Variants in PLEKHH2 observed in about 807,000 individuals in gnomAD.
PLEKHH2 encodes pleckstrin homology domain-containing family H member 2.
Under a neutral mutation model 187.9 loss-of-function variants are expected in PLEKHH2, and 129 were observed. The ratio of observed to expected loss-of-function variants is 0.69; its 90% CI spans 0.59 to 0.79. The LOEUF (loss-of-function observed/expected upper bound fraction) is 0.79. Ranked by LOEUF, PLEKHH2 falls within the 30% of genes least tolerant of loss-of-function variation. PLEKHH2 has a pLI of 0.00. For missense variants in PLEKHH2, 2,076 were observed against 1,751.2 expected, an observed-to-expected ratio of 1.19 and a Z score of -3.31; for synonymous variants, 686 against 605.6, an observed-to-expected ratio of 1.13 and a Z score of -1.95.
chr2:43,648,510 G>A (rs1666294789), intron 2 of PLEKHH2, among the ~76,000 whole-genome samples: 2 of 150,602 alleles, frequency 1.3e-5, no homozygotes, highest in South Asian at 4.2e-4. Flanking sequence ...CTTTCTGAAT[G>A]GACACACTGG....
chr2:43,718,019 T>C (rs1670296330), intron 15 of PLEKHH2, among the ~76,000 whole-genome samples: 2 of 152,134 alleles, frequency 1.3e-5, no homozygotes, highest in Admixed American at 6.5e-5. Flanking sequence ...GAGAATACCA[T>C]AGGGGCTTAT....
In PLEKHH2 at chr2:43,682,818, A is replaced by T. The variant is rs901108448; in HGVS notation, c.186+3893A>T. 3.3e-5 allele frequency among the ~76,000 whole-genome samples: 5 copies of T among 152,298 alleles called. No individual in the cohort carries two copies. The South Asian group carries it at 1.0e-3, about 32-fold the overall frequency. ...CTGGATATTTCATATAAATGGATTT[A>T]TATACTATTTGATCTTTAGTGTCTG... On this transcript the variant is annotated intron_variant, in intron 3 of 29. Transcript: ENST00000282406.
At chr2:43,764,646 C>T (rs947409989) in intron 29 of PLEKHH2, among the ~76,000 whole-genome samples, 9 of 152,160 alleles carry the variant, frequency 5.9e-5, no homozygotes, top group Non-Finnish European at 8.8e-5. Context: ...GGGTACTTAG[C>T]CCAATGCCAG....
intron 11 of PLEKHH2, among the ~76,000 whole-genome samples, chr2:43,708,214 C>A (rs770465493): frequency 6.6e-6 from 1 of 152,162 alleles, no homozygotes; most frequent in African/African-American, 2.4e-5. Flanking sequence ...CAACTTGCCC[C>A]GCTACAGCCA....
At chr2:43,746,894 C>T (rs1034562321) in intron 24 of PLEKHH2, among the ~76,000 whole-genome samples, 13 of 151,616 alleles carry the variant, frequency 8.6e-5, no homozygotes, top group South Asian at 2.1e-4. Context: ...GGCATGAACC[C>T]GGGAGGCGGA....
At chr2:43,762,891 T>G (rs551642688) in intron 28 of PLEKHH2, among the ~76,000 whole-genome samples, 4 of 152,308 alleles carry the variant, frequency 2.6e-5, no homozygotes, top group South Asian at 4.1e-4. Flanking sequence ...GAAATTTACA[T>G]TTTTTATCAT....
chr2:43,646,129 C>T lies in PLEKHH2; in HGVS notation c.123+1333C>T, dbSNP rs923775866. ...CTCAGTAATCAATCAGTCAATGAAT[C>T]CTGAACTTCAATGTGCTTTATTTAT... On this transcript the variant is annotated intron_variant, in intron 2 of 29. Coordinates refer to ENST00000282406, the MANE Select transcript of PLEKHH2 (RefSeq NM_172069.4). Among the ~76,000 whole-genome samples the T allele has an allele frequency of 4.6e-5, 7 of 152,232 alleles. No individual in the cohort carries two copies. The South Asian group carries it at 6.2e-4, about 14-fold the overall frequency.
intron 7 of PLEKHH2, 91 bp downstream of exon 7, chr2:43,697,447 T>A: frequency 9.4e-7 from 1 of 1,059,016 alleles, no homozygotes; most frequent in Non-Finnish European, 1.3e-6. Context: ...TAATTTTCCT[T>A]ATTTTTTTCT....
chr2:43,655,548 TG>T (rs1220351199), intron 2 of PLEKHH2, among the ~76,000 whole-genome samples: 5 of 152,202 alleles, frequency 3.3e-5, no homozygotes, highest in Non-Finnish European at 7.3e-5. Context: ...CAATGGAAGA[TG>T]CTAAATGTTG....
chr2:43,734,326 G>A (rs1291536071), intron 19 of PLEKHH2, among the ~76,000 whole-genome samples: 7 of 152,110 alleles, frequency 4.6e-5, no homozygotes, highest in Non-Finnish European at 1.0e-4. Context: ...ATGCAGCAAA[G>A]ATTGAACAAA....
chr2:43,727,146 A>G (rs1456414232), intron 17 of PLEKHH2, among the ~76,000 whole-genome samples: 1 of 152,096 alleles, frequency 6.6e-6, no homozygotes, highest in Admixed American at 6.6e-5. Flanking sequence ...GGGTGCGGTG[A>G]CTCACGTCTG....
chr2:43,723,862 C>A (rs977558915), intron 16 of PLEKHH2, among the ~76,000 whole-genome samples: 1 of 151,984 alleles, frequency 6.6e-6, no homozygotes, highest in African/African-American at 2.4e-5. Context: ...TAAGAATAGA[C>A]CGGAGGGAAT....
chr2:43,715,359 G>A (rs1185074072), intron 15 of PLEKHH2, among the ~76,000 whole-genome samples: 1 of 152,196 alleles, frequency 6.6e-6, no homozygotes, highest in African/African-American at 2.4e-5. Context: ...AGCTAGAGGG[G>A]CCTATGGATG....
At chr2:43,643,504 T>C (rs562424798) in intron 1 of PLEKHH2, among the ~76,000 whole-genome samples, 3 of 152,152 alleles carry the variant, frequency 2.0e-5, no homozygotes, top group Non-Finnish European at 4.4e-5. Context: ...AGTGGGTTTT[T>C]AGCAGCATAA....
At chr2:43,644,936 C>A in intron 2 of PLEKHH2, 140 bp downstream of exon 2, 1 of 973,646 alleles carries the variant, frequency 1.0e-6, no homozygotes, top group Non-Finnish European at 1.4e-6. Context: ...TATTCTTTTG[C>A]CAGTGTTAGG....
At chr2:43,697,654 A>G (rs1018503461) in intron 7 of PLEKHH2, among the ~76,000 whole-genome samples, 1 of 152,208 alleles carries the variant, frequency 6.6e-6, no homozygotes, top group African/African-American at 2.4e-5. Context: ...AAGATGCTGT[A>G]CTTGTTTTAG....
Position 43,707,457 on chromosome 2 carries a change from A to G in PLEKHH2, c.1878A>G (p.Glu626=). The G allele has an allele frequency of 3.7e-6, 6 of 1,614,156 alleles. No homozygotes were observed. The highest frequency in any genetic ancestry group is 5.1e-6 in the Non-Finnish European group (6 of 1,180,034). Residue 626 remains glutamate (E), a synonymous_variant, in exon 11 of 30, where the codon GAA becomes GAG. Coordinates refer to ENST00000282406, the MANE Select transcript of PLEKHH2 (RefSeq NM_172069.4). ...TGGATGACTCATCTGGGTCAGAGGA[A>G]GAAGACAGCTCCAGATCCAGCTCCC... is the stretch of plus-strand genomic sequence containing the variant. ...PFLDDSSGSE[E]EDSSRSSSRT...
chr2:43,704,752 T>G (rs1669568799), intron 9 of PLEKHH2, among the ~76,000 whole-genome samples: 1 of 151,754 alleles, frequency 6.6e-6, no homozygotes, highest in South Asian at 2.1e-4. Flanking sequence ...GAAAAGTGAT[T>G]TGCATTGCTA....
chr2:43,726,452 G>T lies in PLEKHH2; in HGVS notation c.2721+1G>T, dbSNP rs772819408. The T allele has an allele frequency of 6.3e-7, 1 of 1,595,952 alleles. No individual in the cohort carries two copies. Among genetic ancestry groups the T allele is most frequent in the Admixed American group, 1.7e-5 (1 of 59,914 alleles). On this transcript the variant is annotated splice_donor_variant, in intron 17 of 29. Transcript: ENST00000282406. LOFTEE classifies it high-confidence loss of function. ...CCTAATTGGATCCAAGCATGAAAAG[G>T]TATTCAAAGACTTATTGGTTGATTT...
Sources: allele counts gnomAD v4.1 joint callset (sites outside exome capture counted in the v4.1 genomes callset), GRCh38; gene constraint gnomAD v4.1.1; transcripts MANE v1.5; gene names NCBI Gene and HGNC (gene_info 2026-07-23, HGNC 2026-07-21).